The following BIN1 variants were observed in gnomAD, a reference collection of about 807,000 sequenced individuals.
The protein encoded by BIN1 is bridging integrator 1.
Under a neutral mutation model 82.0 loss-of-function variants are expected in BIN1, and 53 were observed. The ratio of observed to expected loss-of-function variants is 0.65; its 90% CI spans 0.52 to 0.81. BIN1 has a LOEUF of 0.81. Among genes scored for constraint, BIN1 ranks in the 40% least tolerant of loss-of-function variants. The pLI is 0.00. For missense variants in BIN1, 642 were observed against 784.4 expected, an observed-to-expected ratio of 0.82 and a Z score of 2.17; for synonymous variants, 302 against 328.0, an observed-to-expected ratio of 0.92 and a Z score of 0.86.
chr2:127,105,503 T>TCCTCCTCCTCCCCCTCCCCC (rs1480065007), intron 1 of BIN1, among the ~76,000 whole-genome samples: 1 of 137,840 alleles, frequency 7.3e-6, no homozygotes, highest in Non-Finnish European at 1.6e-5. Context: ...CTCCTCCTCC[T>TCCTCCTCCTCCCCCTCCCCC]TCCCTGGGGT....
intron 1 of BIN1, among the ~76,000 whole-genome samples, chr2:127,085,708 AT>A (rs1226179883): frequency 1.3e-5 from 2 of 152,110 alleles, no homozygotes; most frequent in African/African-American, 4.8e-5. Context: ...CTCTGGGGGA[AT>A]GGGGTCCTCC....
chr2:127,059,161 G>T lies in BIN1; in HGVS notation c.858-6C>A. ...CTTTTGCAGGCGCGTTGTCACTGTG[G>T]GGGAGGACAAGAAAGGGAGCCCAGT... On this transcript the variant is annotated splice_polypyrimidine_tract_variant and splice_region_variant and intron_variant, in intron 10 of 18. Coordinates refer to ENST00000316724, the MANE Select transcript of BIN1 (RefSeq NM_139343.3). The surrounding 1 kb of genome is among the most constrained non-coding windows in gnomAD (Gnocchi z 6.7). The T allele has an allele frequency of 6.4e-7, 1 of 1,570,604 alleles. No individual in the cohort carries two copies. Among genetic ancestry groups the T allele is most frequent in the Non-Finnish European group, 8.6e-7 (1 of 1,158,236 alleles).
intron 18 of BIN1, among the ~76,000 whole-genome samples, 172 bp from the exon 19 acceptor site, chr2:127,048,805 T>C (rs1682503544): frequency 6.6e-6 from 1 of 152,230 alleles, no homozygotes; most frequent in African/African-American, 2.4e-5. Context: ...CTGATGCTGC[T>C]GGCTGAGGCT....
In BIN1 at chr2:127,067,985, T is replaced by C. The variant is rs1264084691; in HGVS notation, c.612+178A>G. On this transcript the variant is annotated intron_variant, in intron 7 of 18. Coordinates refer to ENST00000316724, the MANE Select transcript of BIN1 (RefSeq NM_139343.3). This position sits in a 1 kb window ranked among gnomAD's most constrained non-coding sequence, Gnocchi z 4.7. ...TCACACAGAGCCCCTCAGCCGGTTC[T>C]TTGACCCCTACATTTGACTTCAGGT... Among the ~76,000 whole-genome samples the C allele has an allele frequency of 6.6e-6, 1 of 152,084 alleles. No individual in the cohort carries two copies. The highest frequency in any genetic ancestry group is 2.4e-5 in the African/African-American group (1 of 41,418).
Position 127,074,981 on chromosome 2 carries a change from G to A in BIN1, c.165+1645C>T, listed in dbSNP as rs144824125. ...CCCCCAAAGTGCTGGGATTACAGGC[G>A]TGAGCTACAGTGCCCGGCCAGCTCA... is the stretch of plus-strand genomic sequence containing the variant. On this transcript the variant is annotated intron_variant, in intron 2 of 18. Coordinates refer to ENST00000316724, the MANE Select transcript of BIN1 (RefSeq NM_139343.3). 2.8e-4 allele frequency among the ~76,000 whole-genome samples: 42 copies of A among 152,242 alleles called. 1 individual carries two copies. The highest frequency in any genetic ancestry group is 8.7e-4 in the African/African-American group (36 of 41,540).
intron 7 of BIN1, among the ~76,000 whole-genome samples, chr2:127,065,932 G>C (rs1359070568): frequency 2.0e-5 from 3 of 152,182 alleles, no homozygotes; most frequent in Non-Finnish European, 4.4e-5. Context: ...CATGAGGAGA[G>C]AGTGCCCCCA....
At chr2:127,084,678 C>T (rs143505374) in intron 1 of BIN1, among the ~76,000 whole-genome samples, 126 of 152,356 alleles carry the variant, frequency 8.3e-4, no homozygotes, top group African/African-American at 2.9e-3. Flanking sequence ...GGCTCTGCAG[C>T]GAAGAAGCGA....
At chr2:127,069,972 A>G in intron 5 of BIN1, 23 bp downstream of exon 5, 1 of 1,611,172 alleles carries the variant, frequency 6.2e-7, no homozygotes, top group Non-Finnish European at 8.5e-7. Flanking sequence ...AGAGCAGGGC[A>G]GATCTGCAAG....
rs1558827997 is a variant in BIN1, at chr2:127,067,540, C to T, written c.612+623G>A. 6.6e-6 allele frequency among the ~76,000 whole-genome samples: 1 copy of T among 152,308 alleles called. No individual in the cohort carries two copies. The highest frequency in any genetic ancestry group is 1.5e-5 in the Non-Finnish European group (1 of 68,022). ...TTGCCCTCCATGAATCCCCAAAGGC[C>T]AAGGACCCATGCTTCCCCTCCACGT... On this transcript the variant is annotated intron_variant, in intron 7 of 18. Transcript: ENST00000316724. The surrounding 1 kb of genome is among the most constrained non-coding windows in gnomAD (Gnocchi z 4.7).
intron 1 of BIN1, among the ~76,000 whole-genome samples, chr2:127,087,949 G>T (rs1035294787): frequency 5.3e-5 from 8 of 152,170 alleles, no homozygotes; most frequent in Non-Finnish European, 1.0e-4. Flanking sequence ...TTCTAGAAGG[G>T]CTACGCCCAC....
In BIN1 at chr2:127,107,112, G is replaced by C; in HGVS notation, c.-169C>G. The stretch of plus-strand genomic sequence containing the variant: ...GAGGCGGAGCGTGCGCCGGACGGGC[G>C]AGCGAGCCAGCGAGCTAGCCAGCGA... On this transcript the variant is annotated 5_prime_UTR_variant, in exon 1 of 19. Transcript: ENST00000316724. This position sits in a 1 kb window ranked among gnomAD's most constrained non-coding sequence, Gnocchi z 5.9. 1 of 684,128 alleles carries C rather than the reference G, an allele frequency of 1.5e-6. No homozygotes were observed. Among genetic ancestry groups the C allele is most frequent in the Non-Finnish European group, 2.1e-6 (1 of 477,594 alleles). The allele number at this position is 684,128 out of a possible 1,614,324, so 42.4% of individuals were successfully genotyped here. A position where few individuals can be genotyped will look rare whatever the true frequency, so the allele number is the denominator to read the frequency against.
intron 5 of BIN1, among the ~76,000 whole-genome samples, chr2:127,069,478 C>T (rs1185888021): frequency 6.6e-6 from 1 of 152,188 alleles, no homozygotes; most frequent in African/African-American, 2.4e-5. Context: ...CCGGGGACCA[C>T]TCGCCTCGGT....
Position 127,064,025 on chromosome 2 carries a change from G to A in BIN1, c.613-7C>T, listed in dbSNP as rs1304972639. Reference sequence around the variant, plus strand: ...TGATGAGCTCCTCCTCGGCCTGGGGGGCAGCACGGGTCATTCCCCTCTGTT... The same window carrying A: ...TGATGAGCTCCTCCTCGGCCTGGGGAGCAGCACGGGTCATTCCCCTCTGTT... On this transcript the variant is annotated splice_region_variant and splice_polypyrimidine_tract_variant and intron_variant, in intron 7 of 18. Transcript: ENST00000316724. The A allele has an allele frequency of 1.9e-6, 3 of 1,613,750 alleles. No homozygotes were observed. Among genetic ancestry groups the A allele is most frequent in the South Asian group, 2.2e-5 (2 of 91,092 alleles).
chr2:127,070,315 G>A (rs1685713078), intron 4 of BIN1, among the ~76,000 whole-genome samples: 1 of 152,214 alleles, frequency 6.6e-6, no homozygotes, highest in South Asian at 2.1e-4. Context: ...GAGGCTTTGT[G>A]AGTTGTGAGC....
chr2:127,061,728 C>T (rs369523927), intron 10 of BIN1, among the ~76,000 whole-genome samples: 21 of 152,238 alleles, frequency 1.4e-4, no homozygotes, highest in African/African-American at 4.1e-4. Flanking sequence ...GAGGGAAGGG[C>T]GGTGCTATCT....
chr2:127,098,643 G>A (rs1168086957), intron 1 of BIN1, among the ~76,000 whole-genome samples: 1 of 152,154 alleles, frequency 6.6e-6, no homozygotes, highest in Admixed American at 6.5e-5. Context: ...GGCCGAAGGT[G>A]CAGGCCCGGG....
intron 5 of BIN1, 125 bp from the exon 6 acceptor site, chr2:127,069,156 C>T: frequency 1.2e-6 from 1 of 869,178 alleles, no homozygotes; most frequent in Non-Finnish European, 1.8e-6. Flanking sequence ...ACCCTTGAGC[C>T]CTTGTTGCTG....
chr2:127,060,481 G>A, intron 10 of BIN1: 2 of 1,494,544 alleles, frequency 1.3e-6, no homozygotes, highest in Non-Finnish European at 1.9e-6. Context: ...GGGCAGCACT[G>A]CACACAGAGC....
chr2:127,089,586 C>T (rs1354495753), intron 1 of BIN1, among the ~76,000 whole-genome samples: 1 of 152,094 alleles, frequency 6.6e-6, no homozygotes, highest in East Asian at 1.9e-4. Context: ...GCCAGGAACC[C>T]TGGGGTGGAC....
Sources: gnomAD v4.1 joint callset for allele counts (sites outside exome capture counted in the v4.1 genomes callset) on GRCh38, gnomAD v4.1.1 for gene constraint, Gnocchi (gnomAD v3.1) non-coding constraint, MANE v1.5 for transcripts, NCBI Gene and HGNC (gene_info 2026-07-23, HGNC 2026-07-21) for gene names.